The following TMEM132C variants were observed in gnomAD, a reference collection of about 807,000 sequenced individuals.
TMEM132C encodes protein phosphatase 1, regulatory subunit 152.
A neutral mutation model predicts 61.4 loss-of-function variants in TMEM132C; 29 were observed. The observed-to-expected ratio is 0.47, with a 90% confidence interval of 0.35 to 0.64. The LOEUF is 0.64. Ranked by LOEUF, TMEM132C falls within the 30% of genes least tolerant of loss-of-function variation. The pLI is 0.00. For missense variants in TMEM132C, 1,408 were observed against 1,476.9 expected (o/e 0.95, Z 0.76); for synonymous variants, 656 against 633.1 (o/e 1.04, Z -0.54).
chr12:128,675,881 ATAAATAG>A (rs1269386663), intron 5 of TMEM132C, among the ~76,000 whole-genome samples: 40 of 86,746 alleles, frequency 4.6e-4, no homozygotes, highest in Admixed American at 3.1e-3. Flanking sequence ...AGATAGATAG[ATAAATAG>A]ATAGATAGAT....
chr12:128,496,237 C>G (rs1406693824), intron 2 of TMEM132C, among the ~76,000 whole-genome samples: 1 of 152,130 alleles, frequency 6.6e-6, no homozygotes, highest in Non-Finnish European at 1.5e-5. Flanking sequence ...TGTGGGTAAC[C>G]CGACCTTTCT....
intron 3 of TMEM132C, among the ~76,000 whole-genome samples, chr12:128,577,573 T>C (rs1593106330): frequency 6.6e-6 from 1 of 152,230 alleles, no homozygotes; most frequent in South Asian, 2.1e-4. Flanking sequence ...GCCTTGAAAA[T>C]GTTCCTTTCG....
chr12:128,508,861 G>C (rs1033796537), intron 2 of TMEM132C, among the ~76,000 whole-genome samples: 4 of 152,146 alleles, frequency 2.6e-5, no homozygotes, highest in African/African-American at 9.7e-5. Flanking sequence ...ATCATATCAT[G>C]TCATGTCATG....
intron 2 of TMEM132C, among the ~76,000 whole-genome samples, chr12:128,477,408 A>G (rs550978946): frequency 6.6e-5 from 10 of 152,300 alleles, no homozygotes; most frequent in South Asian, 6.2e-4. Context: ...ATTGTGTTCT[A>G]TTAGCTAAAG....
At chr12:128,688,129 A>G (rs905615341) in intron 5 of TMEM132C, among the ~76,000 whole-genome samples, 2 of 152,236 alleles carry the variant, frequency 1.3e-5, no homozygotes, top group African/African-American at 4.8e-5. Flanking sequence ...GGCATGCCAC[A>G]GTTGCTGGAC....
chr12:128,271,959 G>C (rs1870535484), intron 1 of TMEM132C, among the ~76,000 whole-genome samples: 1 of 152,198 alleles, frequency 6.6e-6, no homozygotes, highest in Admixed American at 6.5e-5. Flanking sequence ...AAGTATTACT[G>C]AATTAATGGA....
At chr12:128,632,646 G>A (rs1324694844) in intron 4 of TMEM132C, among the ~76,000 whole-genome samples, 1 of 152,180 alleles carries the variant, frequency 6.6e-6, no homozygotes, top group Non-Finnish European at 1.5e-5. Context: ...CAGTCTTCTG[G>A]AAGATCAGGA....
chr12:128,531,212 A>G (rs1873286081), intron 2 of TMEM132C, among the ~76,000 whole-genome samples: 1 of 152,270 alleles, frequency 6.6e-6, no homozygotes, highest in African/African-American at 2.4e-5. Context: ...AACAATGCTT[A>G]GGAAATCCTA....
rs1250732571 is a variant in TMEM132C at position 128,574,395 on chromosome 12, C to A, written c.1121+30292C>A. 2.6e-5 allele frequency among the ~76,000 whole-genome samples: 4 copies of A among 152,376 alleles called. No homozygotes were observed. In the East Asian group the frequency reaches 7.7e-4, roughly 29 times the overall value. ...CGCTGCTATCATTTAATCTTCACAG[C>A]ATCCCTACCATAGAGAAACCGTTAT... On this transcript the variant is annotated intron_variant, in intron 3 of 8. Transcript: ENST00000435159.
At chr12:128,546,533 G>A (rs1873956687) in intron 3 of TMEM132C, among the ~76,000 whole-genome samples, 1 of 152,180 alleles carries the variant, frequency 6.6e-6, no homozygotes, top group Admixed American at 6.5e-5. Flanking sequence ...TGCTGTCTCA[G>A]TGGTAAGCAT....
rs185054775 is a variant in TMEM132C, at chr12:128,334,892, A to G, written c.85+67405A>G. On this transcript the variant is annotated intron_variant, in intron 1 of 8. Coordinates refer to ENST00000435159, the MANE Select transcript of TMEM132C (RefSeq NM_001136103.3). ...ATTACAGGCATGAGCCACCATGCCCAGCCCTTTTTCAATTTTGTAGTGCAC... is the reference window on the plus strand; with the variant it reads ...ATTACAGGCATGAGCCACCATGCCCGGCCCTTTTTCAATTTTGTAGTGCAC... 1.2e-4 allele frequency among the ~76,000 whole-genome samples: 18 copies of G among 152,300 alleles called. No homozygotes were observed. In the East Asian group the frequency reaches 3.3e-3, roughly 28 times the overall value.
chr12:128,326,794 A>G lies in TMEM132C; in HGVS notation c.85+59307A>G, dbSNP rs540668011. 2.9e-5 allele frequency among the ~76,000 whole-genome samples: 4 copies of G among 138,590 alleles called. No individual in the cohort carries two copies. Among genetic ancestry groups the G allele is most frequent in the African/African-American group, 6.9e-5 (2 of 28,836 alleles). 90.9% of individuals were successfully genotyped at this position (138,590 alleles called of 152,430 possible). A position where few individuals can be genotyped will look rare whatever the true frequency, so the allele number is the denominator to read the frequency against. On this transcript the variant is annotated intron_variant, in intron 1 of 8. Transcript: ENST00000435159. The surrounding 1 kb of genome is among the most constrained non-coding windows in gnomAD (Gnocchi z 5.6). ...CCCACATCTCGTTACCGACTTCACA[A>G]TATTTTTTTTTTCTTTCTTAACAAC...
At chr12:128,699,728 A>G (rs571589858) in intron 8 of TMEM132C, among the ~76,000 whole-genome samples, 2 of 152,334 alleles carry the variant, frequency 1.3e-5, no homozygotes, top group South Asian at 4.1e-4. Context: ...CATAATCATG[A>G]CAGCAGTCAC....
chr12:128,319,040 C>G (rs1360266754), intron 1 of TMEM132C, among the ~76,000 whole-genome samples: 1 of 152,160 alleles, frequency 6.6e-6, no homozygotes. Context: ...TAACTCATAT[C>G]CTACTTTTGT....
chr12:128,485,743 C>G (rs1260866810), intron 2 of TMEM132C, among the ~76,000 whole-genome samples: 1 of 152,220 alleles, frequency 6.6e-6, no homozygotes. Flanking sequence ...AACCTCCAGT[C>G]TCAGGCCGTA....
intron 1 of TMEM132C, among the ~76,000 whole-genome samples, chr12:128,330,443 C>T (rs1443812215): frequency 6.6e-6 from 1 of 152,146 alleles, no homozygotes; most frequent in Non-Finnish European, 1.5e-5. Flanking sequence ...GTCCCTGCTA[C>T]TGAGGAGGCT....
chr12:128,531,179 G>T (rs1422860584), intron 2 of TMEM132C, among the ~76,000 whole-genome samples: 2 of 152,218 alleles, frequency 1.3e-5, no homozygotes, highest in Non-Finnish European at 2.9e-5. Context: ...AGGGGAAAAA[G>T]AAATAATAGA....
intron 7 of TMEM132C, 112 bp from the exon 8 acceptor site, chr12:128,697,112 C>A: frequency 2.2e-6 from 2 of 916,376 alleles, no homozygotes; most frequent in Non-Finnish European, 3.2e-6. Flanking sequence ...AACTCCTTTG[C>A]CCTGTATTCT....
chr12:128,580,993 G>A (rs902844815), intron 3 of TMEM132C, among the ~76,000 whole-genome samples: 1 of 151,940 alleles, frequency 6.6e-6, no homozygotes, highest in Non-Finnish European at 1.5e-5. Flanking sequence ...ATGTCCTGCG[G>A]GGGGAAAAAT....
Sources: gnomAD v4.1 joint callset for allele counts (sites outside exome capture counted in the v4.1 genomes callset) on GRCh38, gnomAD v4.1.1 for gene constraint, Gnocchi (gnomAD v3.1) non-coding constraint, MANE v1.5 for transcripts, NCBI Gene and HGNC (gene_info 2026-07-23, HGNC 2026-07-21) for gene names.